NHSL1: variants seen among roughly 807,000 people sequenced by gnomAD.
NHSL1 encodes NHS-like protein 1.
In NHSL1, 48 loss-of-function variants were observed where a neutral mutation model predicts 95.0. The observed-to-expected ratio is 0.51, with a 90% CI of 0.40 to 0.64. The LOEUF is 0.64. Among genes scored for constraint, NHSL1 ranks in the 30% least tolerant of loss-of-function variants. NHSL1 has a pLI of 0.00. For synonymous variants in NHSL1, 783 were observed against 833.9 expected (o/e 0.94, Z 1.05); for missense variants, 1,971 against 2,077.7 (o/e 0.95, Z 1.00).
chr6:138,659,020 T>TATA (rs1360082503), intron 1 of NHSL1, among the ~76,000 whole-genome samples: 2 of 151,360 alleles, frequency 1.3e-5, no homozygotes, highest in Non-Finnish European at 2.9e-5. Flanking sequence ...AGTCACTATG[T>TATA]ATAACATGCT....
At chr6:138,612,109 CAAAAA>C (rs368848438) in intron 1 of NHSL1, among the ~76,000 whole-genome samples, 3 of 73,490 alleles carry the variant, frequency 4.1e-5, no homozygotes, top group Admixed American at 3.3e-4. Context: ...GACTCCATCT[CAAAAA>C]AAAAAAAAAA....
chr6:138,679,441 T>C lies in NHSL1; in HGVS notation c.96+13035A>G, dbSNP rs564225321. On this transcript the variant is annotated intron_variant, in intron 1 of 3. Transcript: ENST00000491526. ...ATGATGATACACAGAACTGTCCTCATAGGCAAATAATCTTAGACATAAAAT... is the reference window on the plus strand; with the variant it reads ...ATGATGATACACAGAACTGTCCTCACAGGCAAATAATCTTAGACATAAAAT... Among the ~76,000 whole-genome samples, 68 of 152,330 alleles carry C rather than the reference T, an allele frequency of 4.5e-4. No homozygotes were observed. In the Middle Eastern group the frequency reaches 0.01, roughly 23 times the overall value.
chr6:138,607,321 T>C (rs1430725533), intron 1 of NHSL1, among the ~76,000 whole-genome samples: 2 of 152,190 alleles, frequency 1.3e-5, no homozygotes, highest in Non-Finnish European at 2.9e-5. Context: ...ATGAACATTA[T>C]TTCTAAATAT....
upstream of NHSL1, among the ~76,000 whole-genome samples, chr6:138,549,374 CCT>C (rs913139044): frequency 7.9e-5 from 12 of 152,088 alleles, no homozygotes; most frequent in Non-Finnish European, 1.5e-4. Flanking sequence ...CAAGAGCAAA[CCT>C]CTGTCTCAAA....
chr6:138,517,100 C>T (rs1781491387), intron 1 of NHSL1, among the ~76,000 whole-genome samples: 1 of 152,128 alleles, frequency 6.6e-6, no homozygotes. Flanking sequence ...CAATGATTTC[C>T]CCCATGCCTA....
Position 138,560,951 on chromosome 6 carries a change from A to C in NHSL1, c.202+10759T>G, listed in dbSNP as rs184247911. Among the ~76,000 whole-genome samples the C allele has an allele frequency of 6.7e-3, 1,015 of 152,340 alleles. 5 individuals are homozygous for C. Among genetic ancestry groups the C allele is most frequent in the Non-Finnish European group, 8.0e-3 (541 of 68,038 alleles). ...TCATGTTCTCTAGTCAAGTTTATGG[A>C]AAAGACAAAACTCAAGTGATACTGT... On this transcript the variant is annotated intron_variant, in intron 1 of 6. Transcript: ENST00000427025.
intron 1 of NHSL1, among the ~76,000 whole-genome samples, chr6:138,558,368 T>C (rs1194628075): frequency 1.3e-5 from 2 of 151,814 alleles, no homozygotes; most frequent in Admixed American, 6.6e-5. Context: ...GTGATCCACC[T>C]GCGTCAGCCT....
intron 1 of NHSL1, among the ~76,000 whole-genome samples, chr6:138,642,705 G>C (rs1301943655): frequency 6.6e-6 from 1 of 152,120 alleles, no homozygotes; most frequent in Non-Finnish European, 1.5e-5. Flanking sequence ...AATCAGGTCT[G>C]TCAACAATGT....
At chr6:138,501,336 G>A (rs1444962586), upstream of NHSL1, among the ~76,000 whole-genome samples, 6 of 152,130 alleles carry the variant, frequency 3.9e-5, no homozygotes, top group African/African-American at 1.2e-4. Flanking sequence ...CTGCCCTCAT[G>A]GAGCTTAAAT....
At chr6:138,491,260 A>T (rs962180507) in intron 2 of NHSL1, among the ~76,000 whole-genome samples, 8 of 152,232 alleles carry the variant, frequency 5.3e-5, no homozygotes, top group African/African-American at 1.9e-4. Flanking sequence ...CAGAGACAGT[A>T]ACTAAAGTGC....
At chr6:138,583,801 T>C (rs1784095087) in intron 1 of NHSL1, among the ~76,000 whole-genome samples, 1 of 152,174 alleles carries the variant, frequency 6.6e-6, no homozygotes, top group African/African-American at 2.4e-5. Flanking sequence ...GAGCATATAT[T>C]TTAAGGCTTT....
intron 1 of NHSL1, chr6:138,650,118 T>C (rs78372506): frequency 0.012 from 6,147 of 528,776 alleles, 294 homozygotes; most frequent in African/African-American, 0.1. Flanking sequence ...CGGGAGCACA[T>C]CTGGTTGTTG....
chr6:138,451,569 G>A (rs1030199014), intron 3 of NHSL1, among the ~76,000 whole-genome samples: 3 of 152,180 alleles, frequency 2.0e-5, no homozygotes, highest in Non-Finnish European at 4.4e-5. Flanking sequence ...GAAGGGCCAC[G>A]ATTTAGTAAC....
intron 1 of NHSL1, among the ~76,000 whole-genome samples, chr6:138,611,463 C>T (rs1326610297): frequency 1.3e-5 from 2 of 152,150 alleles, no homozygotes; most frequent in African/African-American, 4.8e-5. Flanking sequence ...TTAAAGGCTG[C>T]CATGCCACCA....
At chr6:138,628,998 T>G (rs550732321) in intron 1 of NHSL1, among the ~76,000 whole-genome samples, 1 of 152,240 alleles carries the variant, frequency 6.6e-6, no homozygotes, top group African/African-American at 2.4e-5. Flanking sequence ...CATGTCACTA[T>G]GGTGCTCAAC....
At chr6:138,628,034 C>T (rs1583456659) in intron 1 of NHSL1, among the ~76,000 whole-genome samples, 1 of 151,946 alleles carries the variant, frequency 6.6e-6, no homozygotes, top group Non-Finnish European at 1.5e-5. Context: ...TATATCCAGC[C>T]GGGCGAGGTG....
At chr6:138,521,280 T>C (rs1781670388) in intron 1 of NHSL1, among the ~76,000 whole-genome samples, 1 of 152,070 alleles carries the variant, frequency 6.6e-6, no homozygotes, top group African/African-American at 2.4e-5. Flanking sequence ...GGCAACATAG[T>C]GAGACCCCCA....
intron 1 of NHSL1, chr6:138,650,863 C>G: frequency 1.8e-6 from 1 of 541,372 alleles, no homozygotes. Flanking sequence ...GGGCGTTGGA[C>G]ATCAGCTGGG....
chr6:138,626,265 A>T (rs1451858443), intron 1 of NHSL1, among the ~76,000 whole-genome samples: 2 of 152,106 alleles, frequency 1.3e-5, no homozygotes, highest in African/African-American at 4.8e-5. Flanking sequence ...CTAAAACCTC[A>T]CTTAGCTTTT....
Sources: gnomAD v4.1 joint callset for allele counts (sites outside exome capture counted in the v4.1 genomes callset) on GRCh38, gnomAD v4.1.1 for gene constraint, MANE v1.5 for transcripts, NCBI Gene and HGNC (gene_info 2026-07-23, HGNC 2026-07-21) for gene names.